MDH1B: variants seen among roughly 807,000 people sequenced by gnomAD.
The protein encoded by MDH1B is putative malate dehydrogenase 1B.
In MDH1B, 60 loss-of-function variants were observed where a neutral mutation model predicts 61.4. That is an observed-to-expected ratio of 0.98 (90% CI 0.79 to 1.21). The LOEUF is 1.21. MDH1B is among the 50% of genes most tolerant of loss of function. The pLI is 0.00. For synonymous variants in MDH1B, 236 were observed against 218.7 expected, an observed-to-expected ratio of 1.08 and a Z score of -0.70; for missense variants, 587 against 632.1, an observed-to-expected ratio of 0.93 and a Z score of 0.76.
chr2:206,760,680 A>C lies in MDH1B; in HGVS notation c.135+221T>G, dbSNP rs534557392. 2.0e-5 allele frequency among the ~76,000 whole-genome samples: 3 copies of C among 152,308 alleles called. No homozygotes were observed. The South Asian group carries it at 6.2e-4, about 32-fold the overall frequency. On this transcript the variant is annotated intron_variant, in intron 2 of 11. Transcript: ENST00000374412. The stretch of plus-strand genomic sequence containing the variant: ...CAGGGGGTGCAGTCAAACTTATTCT[A>C]CTTATTGATTAGGGTCTCATTTGTT...
intron 5 of MDH1B, 132 bp downstream of exon 5, chr2:206,754,877 T>C: frequency 9.7e-7 from 1 of 1,033,418 alleles, no homozygotes; most frequent in South Asian, 1.9e-5. Flanking sequence ...CACAATAAGT[T>C]CTTTATGTCT....
Position 206,755,401 on chromosome 2 carries a change from G to A in MDH1B, c.518C>T (p.Ala173Val), listed in dbSNP as rs112729308. 64 of 1,614,168 alleles carry A rather than the reference G, an allele frequency of 4.0e-5. No individual in the cohort carries two copies. The African/African-American group carries it at 5.5e-4, about 14-fold the overall frequency. Reference sequence around the variant, plus strand: ...CACAAGGCTTTTGAGATGTTCTTCCGCCTGCTTGTTGTCAAATAGAGTTAT... The same window carrying A: ...CACAAGGCTTTTGAGATGTTCTTCCACCTGCTTGTTGTCAAATAGAGTTAT... The part of the protein sequence containing the change: ...ISITLFDNKQ[A>V]EEHLKSLVVE... Residue 173 changes from alanine (A) to valine (V), a missense_variant, in exon 5 of 12, where the codon GCG (alanine) becomes GTG (valine). Coordinates refer to ENST00000374412, the MANE Select transcript of MDH1B (RefSeq NM_001039845.3).
chr2:206,745,997 G>A (rs901635487), intron 8 of MDH1B, among the ~76,000 whole-genome samples: 4 of 152,058 alleles, frequency 2.6e-5, no homozygotes, highest in Non-Finnish European at 2.9e-5. Context: ...ACCTCCCAAA[G>A]TATTACAGGC....
At chr2:206,751,837 A>G (rs6705541) in intron 5 of MDH1B, among the ~76,000 whole-genome samples, 18,771 of 152,240 alleles carry the variant, frequency 0.12, 1,690 homozygotes, top group African/African-American at 0.26. Flanking sequence ...ATGTTGTATG[A>G]AAACTTTAAA....
intron 2 of MDH1B, 105 bp downstream of exon 2, chr2:206,760,796 G>A: frequency 3.1e-6 from 2 of 641,592 alleles, no homozygotes; most frequent in Admixed American, 4.8e-5. Flanking sequence ...ACTAGCACAT[G>A]AACAGTCATT....
At chr2:206,742,767 A>C (rs1687884450) in intron 9 of MDH1B, among the ~76,000 whole-genome samples, 1 of 131,272 alleles carries the variant, frequency 7.6e-6, no homozygotes, top group Non-Finnish European at 1.5e-5. Context: ...TCCAGGCTGG[A>C]GTGCAGTGGT....
At position 206,738,403 on chromosome 2, in the gene MDH1B, T is replaced by C; in HGVS notation, c.*80A>G. ...CATAAATCTTTCAAATTATTCTTCC[T>C]TAAATATAGACATTCATATAAATTC... is the stretch of plus-strand genomic sequence containing the variant. On this transcript the variant is annotated 3_prime_UTR_variant, in exon 12 of 12. Coordinates refer to ENST00000374412, the MANE Select transcript of MDH1B (RefSeq NM_001039845.3). 1 of 1,090,262 alleles carries C rather than the reference T, an allele frequency of 9.2e-7. No homozygotes were observed. Among genetic ancestry groups the C allele is most frequent in the Non-Finnish European group, 1.3e-6 (1 of 755,842 alleles). The allele number at this position is 1,090,262 out of a possible 1,614,324, so 67.5% of individuals were successfully genotyped here.
chr2:206,756,351 A>T (rs1688758317), intron 4 of MDH1B, among the ~76,000 whole-genome samples: 1 of 152,142 alleles, frequency 6.6e-6, no homozygotes, highest in African/African-American at 2.4e-5. Flanking sequence ...AGTGCAAAAG[A>T]CAAACTGAGG....
intron 7 of MDH1B, among the ~76,000 whole-genome samples, chr2:206,748,471 T>G (rs1688246822): frequency 6.6e-6 from 1 of 152,342 alleles, no homozygotes; most frequent in East Asian, 1.9e-4. Context: ...TATTCGTGGA[T>G]GGAGAGCAAC....
rs948551312 is a variant in MDH1B at position 206,755,098 on chromosome 2, C to A, written c.821G>T (p.Arg274Leu). 4 of 1,614,206 alleles carry A rather than the reference C, an allele frequency of 2.5e-6. No individual in the cohort carries two copies. The East Asian group carries it at 6.7e-5, about 27-fold the overall frequency. ...KTVLLMRYAP[R>L]IAHNIIAVAL... ...CACAGCAATAATGTTGTGTGCAATG[C>A]GTGGGGCATATCTCATGAGTAAAAC... The change falls in exon 5 of 12, where the codon CGC becomes CTC. Residue 274 changes from arginine (R) to leucine (L), a missense_variant. Coordinates refer to ENST00000374412, the MANE Select transcript of MDH1B (RefSeq NM_001039845.3).
At chr2:206,752,156 T>C (rs1384123443) in intron 5 of MDH1B, among the ~76,000 whole-genome samples, 1 of 152,128 alleles carries the variant, frequency 6.6e-6, no homozygotes, top group Non-Finnish European at 1.5e-5. Flanking sequence ...ACAGTTGTGT[T>C]CAAGTATTAC....
rs1002992499 is a variant in MDH1B, at chr2:206,760,848, T to C, written c.135+53A>G. The C allele has an allele frequency of 5.8e-6, 6 of 1,038,078 alleles. No homozygotes were observed. The Admixed American group carries it at 1.1e-4, about 19-fold the overall frequency. The allele number at this position is 1,038,078 out of a possible 1,614,324, so 64.3% of individuals were successfully genotyped here. ...ATACACCAGTTAATATTTAATCAAA[T>C]TAAAACACATTTTGTGCATGAGTGA... On this transcript the variant is annotated intron_variant, in intron 2 of 11. Coordinates refer to ENST00000374412, the MANE Select transcript of MDH1B (RefSeq NM_001039845.3).
intron 1 of MDH1B, among the ~76,000 whole-genome samples, 195 bp from the exon 2 acceptor site, chr2:206,761,208 A>G (rs186071299): frequency 6.6e-6 from 1 of 152,316 alleles, no homozygotes; most frequent in Non-Finnish European, 1.5e-5. Flanking sequence ...ACTTCATAGG[A>G]GGTCAGAATC....
In MDH1B at chr2:206,738,204, C is replaced by T. The variant is rs1687598307; in HGVS notation, c.*279G>A. 3.6e-6 allele frequency: 1 copy of T among 277,372 alleles called. No homozygotes were observed. The highest frequency in any genetic ancestry group is 6.8e-5 in the East Asian group (1 of 14,652). 17.2% of individuals were successfully genotyped at this position (277,372 alleles called of 1,614,324 possible). A position where few individuals can be genotyped will look rare whatever the true frequency, so the allele number is the denominator to read the frequency against. ...ATGTATGGGCAGATGCAATGACTGACAACTCTATTTTAATGTAATATAAAA... is the reference window on the plus strand; with the variant it reads ...ATGTATGGGCAGATGCAATGACTGATAACTCTATTTTAATGTAATATAAAA... On this transcript the variant is annotated 3_prime_UTR_variant, in exon 12 of 12. Coordinates refer to ENST00000374412, the MANE Select transcript of MDH1B (RefSeq NM_001039845.3).
intron 4 of MDH1B, among the ~76,000 whole-genome samples, chr2:206,755,776 CT>C (rs1318715447): frequency 1.3e-5 from 2 of 152,068 alleles, no homozygotes; most frequent in African/African-American, 4.8e-5. Flanking sequence ...AGAATTCCCC[CT>C]ATGCAGAAAT....
chr2:206,760,793 C>T (rs1689045671), intron 2 of MDH1B, 108 bp downstream of exon 2: 3 of 632,524 alleles, frequency 4.7e-6, no homozygotes, highest in Non-Finnish European at 8.6e-6. Context: ...ATCACTAGCA[C>T]ATGAACAGTC....
At chr2:206,759,798 C>G (rs1479662200) in intron 2 of MDH1B, among the ~76,000 whole-genome samples, 1 of 152,158 alleles carries the variant, frequency 6.6e-6, no homozygotes, top group African/African-American at 2.4e-5. Context: ...ACAATAGAGG[C>G]CAGTGGGCAG....
At chr2:206,739,685 G>C (rs1559328934) in intron 10 of MDH1B, 24 bp from the exon 11 acceptor site, 5 of 1,608,168 alleles carry the variant, frequency 3.1e-6, no homozygotes, top group Non-Finnish European at 4.3e-6. Context: ...TAAAAGAATA[G>C]TTTTTAGTAT....
chr2:206,740,913 G>A, intron 10 of MDH1B, 141 bp downstream of exon 10: 2 of 1,162,538 alleles, frequency 1.7e-6, no homozygotes, highest in Non-Finnish European at 2.4e-6. Context: ...CCATTTCAAA[G>A]TGTTTGTGAA....
Sources: allele counts gnomAD v4.1 joint callset (sites outside exome capture counted in the v4.1 genomes callset), GRCh38; gene constraint gnomAD v4.1.1; transcripts MANE v1.5; gene names NCBI Gene and HGNC (gene_info 2026-07-23, HGNC 2026-07-21).